DAAM2: variants seen among roughly 807,000 people sequenced by gnomAD.
The protein encoded by DAAM2 is disheveled-associated activator of morphogenesis 2.
Under a neutral mutation model 120.7 loss-of-function variants are expected in DAAM2, and 39 were observed. The observed-to-expected ratio is 0.32, with a 90% CI of 0.25 to 0.42. The LOEUF (loss-of-function observed/expected upper bound fraction) is 0.42, where lower values mean the gene tolerates loss of function less well. Among genes scored for constraint, DAAM2 ranks in the 10% least tolerant of loss-of-function variants. DAAM2 has a pLI of 1.00. For synonymous variants in DAAM2, 488 were observed against 524.9 expected (o/e 0.93, Z 0.96); for missense variants, 1,283 against 1,401.7 (o/e 0.92, Z 1.35).
intron 1 of DAAM2, among the ~76,000 whole-genome samples, chr6:39,804,233 C>G (rs1761945886): frequency 6.6e-6 from 1 of 152,178 alleles, no homozygotes; most frequent in African/African-American, 2.4e-5. Flanking sequence ...AGCTTCTTTT[C>G]TCAGATTCAG....
At position 39,850,110 on chromosome 6, in the gene DAAM2, CA is replaced by C. The variant is rs568893553; in HGVS notation, c.-56-6134del. On this transcript the variant is annotated intron_variant, in intron 1 of 24. Coordinates refer to ENST00000274867, the MANE Select transcript of DAAM2 (RefSeq NM_001201427.2). ...CCCAGGATGCCCGCAGCTCTGCCATCAAACCAGGGTACTCGCATACCCTTTC... is the reference window on the plus strand; with the variant it reads ...CCCAGGATGCCCGCAGCTCTGCCATCAACCAGGGTACTCGCATACCCTTTC... Among the ~76,000 whole-genome samples, 21 of 152,332 alleles carry C rather than the reference CA, an allele frequency of 1.4e-4. 1 individual carries two copies. In the South Asian group the frequency reaches 4.1e-3, roughly 30 times the overall value.
At chr6:39,812,217 C>T (rs185903859) in intron 1 of DAAM2, among the ~76,000 whole-genome samples, 14 of 152,328 alleles carry the variant, frequency 9.2e-5, no homozygotes, top group Non-Finnish European at 1.6e-4. Flanking sequence ...GGGTTTTATA[C>T]ACTCCTACTC....
At chr6:39,859,747 A>G (rs1764138233) in intron 2 of DAAM2, among the ~76,000 whole-genome samples, 1 of 152,222 alleles carries the variant, frequency 6.6e-6, no homozygotes, top group Non-Finnish European at 1.5e-5. Context: ...TATTTCTTTT[A>G]AATTTTTTAA....
chr6:39,864,721 T>C (rs990560421), intron 4 of DAAM2, among the ~76,000 whole-genome samples: 1 of 152,160 alleles, frequency 6.6e-6, no homozygotes, highest in African/African-American at 2.4e-5. Flanking sequence ...CCCCCAACCA[T>C]TTAAACATTT....
chr6:39,884,217 C>T, intron 15 of DAAM2, 148 bp downstream of exon 15: 1 of 607,584 alleles, frequency 1.6e-6, no homozygotes, highest in Middle Eastern at 4.1e-4. Context: ...TCTTTCCTTC[C>T]TTCCTCACAT....
intron 11 of DAAM2, among the ~76,000 whole-genome samples, chr6:39,875,804 T>C (rs988834102): frequency 1.3e-5 from 2 of 152,218 alleles, no homozygotes; most frequent in Non-Finnish European, 2.9e-5. Flanking sequence ...GTATTGGGCA[T>C]GTTCTCAACT....
chr6:39,890,704 A>G (rs1371300995), intron 17 of DAAM2, among the ~76,000 whole-genome samples: 1 of 152,234 alleles, frequency 6.6e-6, no homozygotes, highest in African/African-American at 2.4e-5. Flanking sequence ...ACTGAACTGC[A>G]CATTTAAAAT....
chr6:39,822,650 A>T (rs747030894), intron 1 of DAAM2: 2 of 152,262 alleles, frequency 1.3e-5, no homozygotes, highest in Non-Finnish European at 2.9e-5. Context: ...GTAGATTTCA[A>T]AGATTAAGAA....
chr6:39,869,743 C>T lies in DAAM2; in HGVS notation c.874-597C>T, dbSNP rs554749232. 1.1e-4 allele frequency among the ~76,000 whole-genome samples: 16 copies of T among 144,556 alleles called. No individual in the cohort carries two copies. The East Asian group carries it at 1.6e-3, about 14-fold the overall frequency. 94.8% of individuals were successfully genotyped at this position (144,556 alleles called of 152,430 possible). A position where few individuals can be genotyped will look rare whatever the true frequency, so the allele number is the denominator to read the frequency against. ...ATGATCTTTACTTTCCCCTCTTTTC[C>T]GCCAGCATACTTTTTTTTTTTTTTT... is the stretch of plus-strand genomic sequence containing the variant. On this transcript the variant is annotated intron_variant, in intron 7 of 24. Coordinates refer to ENST00000274867, the MANE Select transcript of DAAM2 (RefSeq NM_001201427.2).
chr6:39,843,779 G>A (rs1233203441), intron 1 of DAAM2, among the ~76,000 whole-genome samples: 2 of 152,156 alleles, frequency 1.3e-5, no homozygotes, highest in African/African-American at 4.8e-5. Flanking sequence ...CCTGTGAGTA[G>A]GTACAGGGTT....
At chr6:39,873,985 A>T (rs1013894770) in intron 10 of DAAM2, among the ~76,000 whole-genome samples, 1 of 152,204 alleles carries the variant, frequency 6.6e-6, no homozygotes, top group Non-Finnish European at 1.5e-5. Flanking sequence ...TCTTCACAAA[A>T]GAGAATATTT....
intron 16 of DAAM2, chr6:39,887,993 T>C (rs1002677271): frequency 1.1e-5 from 2 of 182,642 alleles, no homozygotes; most frequent in Non-Finnish European, 2.3e-5. Flanking sequence ...GGGCACCACC[T>C]CCCATACTAT....
chr6:39,897,081 T>C, intron 20 of DAAM2, 94 bp from the exon 21 acceptor site: 1 of 1,519,154 alleles, frequency 6.6e-7, no homozygotes, highest in Non-Finnish European at 9.0e-7. Flanking sequence ...CTAAGACTCA[T>C]CACCCCTTTC....
At chr6:39,850,147 G>A (rs1360816820) in intron 1 of DAAM2, among the ~76,000 whole-genome samples, 7 of 152,154 alleles carry the variant, frequency 4.6e-5, no homozygotes, top group African/African-American at 1.7e-4. Context: ...CATTTGCTTT[G>A]CCTGTTGATT....
intron 1 of DAAM2, among the ~76,000 whole-genome samples, chr6:39,837,375 A>G (rs889773708): frequency 3.9e-5 from 6 of 152,120 alleles, no homozygotes; most frequent in Non-Finnish European, 2.9e-5. Flanking sequence ...TTTGGCCAGT[A>G]AACCCACATC....
At chr6:39,887,404 T>TACCA in intron 15 of DAAM2, 82 bp from the exon 16 acceptor site, 1 of 890,534 alleles carries the variant, frequency 1.1e-6, no homozygotes, top group Non-Finnish European at 1.8e-6. Context: ...CCTGGATTGG[T>TACCA]AGGAGGTGGC....
intron 17 of DAAM2, among the ~76,000 whole-genome samples, chr6:39,889,734 G>T (rs1765591714): frequency 6.6e-6 from 1 of 152,142 alleles, no homozygotes; most frequent in Admixed American, 6.5e-5. Flanking sequence ...TTACTGATAA[G>T]ATAAACAACC....
At chr6:39,887,440 T>C in intron 15 of DAAM2, 46 bp from the exon 16 acceptor site, 2 of 1,428,030 alleles carry the variant, frequency 1.4e-6, no homozygotes, top group Non-Finnish European at 2.0e-6. Context: ...AAGAGGAGGA[T>C]TAGGGAACCC....
At chr6:39,834,054 C>A (rs551383537) in intron 1 of DAAM2, among the ~76,000 whole-genome samples, 2 of 152,124 alleles carry the variant, frequency 1.3e-5, no homozygotes, top group Non-Finnish European at 2.9e-5. Flanking sequence ...TTGACCCCGT[C>A]GTATGCCTGA....
Sources: allele counts gnomAD v4.1 joint callset (sites outside exome capture counted in the v4.1 genomes callset), GRCh38; gene constraint gnomAD v4.1.1; transcripts MANE v1.5; gene names NCBI Gene and HGNC (gene_info 2026-07-23, HGNC 2026-07-21).